Variants in EHBP1 observed in about 807,000 individuals in gnomAD.
EHBP1 encodes EH domain-binding protein 1.
Under a neutral mutation model 144.0 loss-of-function variants are expected in EHBP1, and 55 were observed. The observed-to-expected ratio is 0.38, with a 90% CI of 0.31 to 0.48. EHBP1 has a LOEUF of 0.48. EHBP1 is among the 20% of genes least tolerant of loss of function. The pLI, the probability that EHBP1 is intolerant of heterozygous loss-of-function variation, is 0.98. For missense variants in EHBP1, 1,200 were observed against 1,364.2 expected (o/e 0.88, Z 1.90); for synonymous variants, 469 against 472.7 (o/e 0.99, Z 0.10).
chr2:62,859,656 A>T (rs370572637), intron 8 of EHBP1, among the ~76,000 whole-genome samples: 1 of 152,078 alleles, frequency 6.6e-6, no homozygotes, highest in Non-Finnish European at 1.5e-5. Flanking sequence ...CCCCAACTCT[A>T]TGTCTCTCTA....
At chr2:62,941,377 T>A (rs2056748572) in intron 10 of EHBP1, among the ~76,000 whole-genome samples, 1 of 152,154 alleles carries the variant, frequency 6.6e-6, no homozygotes, top group Non-Finnish European at 1.5e-5. Flanking sequence ...GTCGAATTGA[T>A]CCAAACCGTT....
chr2:62,843,307 G>A (rs376728062), intron 7 of EHBP1, among the ~76,000 whole-genome samples: 4 of 152,224 alleles, frequency 2.6e-5, no homozygotes, highest in African/African-American at 9.6e-5. Context: ...TCCATTTGAC[G>A]TTTAATCACA....
Position 62,993,881 on chromosome 2 carries a change from G to T in EHBP1, c.2883G>T (p.Arg961Ser), listed in dbSNP as rs751705647. ...QYIENRPEMKRQRSIQEDTKK... is the reference protein window; with the variant it reads ...QYIENRPEMKSQRSIQEDTKK... ...TCTTTTTTTTTTAAGAGATGAAAAG[G>T]CAGAGATCAATACAGGAAGATACAA... Residue 961 changes from arginine (R) to serine (S), a missense_variant, in exon 18 of 23, where the codon AGG (arginine) becomes AGT (serine). Physicochemically the swap from Arg to Ser is moderately radical, Grantham distance 110. Transcript: ENST00000431489. 1 of 1,558,640 alleles carries T rather than the reference G, an allele frequency of 6.4e-7. No individual in the cohort carries two copies. Among genetic ancestry groups the T allele is most frequent in the South Asian group, 1.2e-5 (1 of 81,022 alleles).
intron 14 of EHBP1, among the ~76,000 whole-genome samples, chr2:62,956,358 A>C (rs2057695098): frequency 6.6e-6 from 1 of 152,150 alleles, no homozygotes; most frequent in Non-Finnish European, 1.5e-5. Flanking sequence ...CAGCACCATC[A>C]TGTGTTAGTA....
intron 15 of EHBP1, 94 bp from the exon 16 acceptor site, chr2:62,990,622 T>C: frequency 7.7e-7 from 1 of 1,300,658 alleles, no homozygotes; most frequent in Non-Finnish European, 1.1e-6. Flanking sequence ...TCTTTTAAAA[T>C]ATAGTAATAC....
intron 5 of EHBP1, among the ~76,000 whole-genome samples, chr2:62,793,772 T>C (rs1362390788): frequency 2.6e-5 from 4 of 152,118 alleles, no homozygotes; most frequent in Non-Finnish European, 5.9e-5. Context: ...ACACTAAGTG[T>C]CTTTATTCTC....
chr2:63,006,015 G>C (rs2060021544), intron 19 of EHBP1, among the ~76,000 whole-genome samples: 1 of 151,830 alleles, frequency 6.6e-6, no homozygotes, highest in East Asian at 1.9e-4. Flanking sequence ...ACTTGTTCTG[G>C]AATTATTTAA....
At chr2:62,714,618 T>C (rs1457163175) in intron 2 of EHBP1, among the ~76,000 whole-genome samples, 4 of 152,212 alleles carry the variant, frequency 2.6e-5, no homozygotes, top group African/African-American at 9.7e-5. Flanking sequence ...ATAAAGGGGT[T>C]AGAACAGTGT....
intron 3 of EHBP1, among the ~76,000 whole-genome samples, chr2:62,756,404 A>T (rs751762045): frequency 1.3e-5 from 2 of 152,176 alleles, no homozygotes; most frequent in African/African-American, 2.4e-5. Context: ...AATCATTGTG[A>T]TTTCTCTTGA....
chr2:62,830,077 A>C (rs2046692006), intron 6 of EHBP1, among the ~76,000 whole-genome samples: 5 of 151,222 alleles, frequency 3.3e-5, no homozygotes, highest in Admixed American at 3.3e-4. Flanking sequence ...AATTGCAAAA[A>C]TACGGAACCA....
At chr2:63,039,311 A>G (rs1027779371) in intron 21 of EHBP1, among the ~76,000 whole-genome samples, 1 of 152,170 alleles carries the variant, frequency 6.6e-6, no homozygotes, top group African/African-American at 2.4e-5. Context: ...TAAAAGATAA[A>G]TGAAACAGTT....
At chr2:62,852,758 AT>A (rs890932512) in intron 7 of EHBP1, among the ~76,000 whole-genome samples, 1 of 152,148 alleles carries the variant, frequency 6.6e-6, no homozygotes, top group African/African-American at 2.4e-5. Flanking sequence ...ACTCCATTAT[AT>A]TTTTCCTAAA....
At chr2:62,724,024 C>G (rs1300084449) in intron 2 of EHBP1, among the ~76,000 whole-genome samples, 1 of 152,160 alleles carries the variant, frequency 6.6e-6, no homozygotes, top group African/African-American at 2.4e-5. Context: ...GCCTCTCTAG[C>G]TAGGTTGGGG....
At chr2:62,841,865 A>G (rs1234005777) in intron 7 of EHBP1, among the ~76,000 whole-genome samples, 3 of 151,726 alleles carry the variant, frequency 2.0e-5, no homozygotes, top group Non-Finnish European at 4.4e-5. Flanking sequence ...ACCTTGTCTT[A>G]GTTTGCTTGG....
intron 2 of EHBP1, among the ~76,000 whole-genome samples, chr2:62,722,197 T>C (rs1185682495): frequency 6.6e-6 from 1 of 152,036 alleles, no homozygotes; most frequent in Non-Finnish European, 1.5e-5. Context: ...TGGCGTGTGA[T>C]CTTGGCTCAC....
At position 62,751,436 on chromosome 2, in the gene EHBP1, C is replaced by T. The variant is rs150379653; in HGVS notation, c.162+3984C>T. The stretch of plus-strand genomic sequence containing the variant: ...TGGATGTTCATCAGGGATATTGGTC[C>T]AAAATTCTCTTTTTTTGCTGTGTCT... On this transcript the variant is annotated intron_variant, in intron 3 of 22. Transcript: ENST00000431489. 4.1e-3 allele frequency among the ~76,000 whole-genome samples: 629 copies of T among 151,736 alleles called. 6 individuals carry two copies. The highest frequency in any genetic ancestry group is 0.014 in the African/African-American group (571 of 41,456).
At chr2:62,990,166 G>T (rs1294247710) in intron 15 of EHBP1, among the ~76,000 whole-genome samples, 1 of 152,004 alleles carries the variant, frequency 6.6e-6, no homozygotes, top group Non-Finnish European at 1.5e-5. Flanking sequence ...TGCTATCTAA[G>T]TAGAGGGTAT....
intron 10 of EHBP1, among the ~76,000 whole-genome samples, chr2:62,935,748 C>A (rs923960255): frequency 6.6e-6 from 1 of 152,084 alleles, no homozygotes; most frequent in African/African-American, 2.4e-5. Context: ...GATAGATGCT[C>A]AATCTCAAAT....
intron 5 of EHBP1, among the ~76,000 whole-genome samples, chr2:62,785,833 T>C (rs994704873): frequency 6.6e-6 from 1 of 152,204 alleles, no homozygotes; most frequent in Non-Finnish European, 1.5e-5. Flanking sequence ...CATTCCAGTC[T>C]TTTCCAGGAC....
Sources: allele counts gnomAD v4.1 joint callset (sites outside exome capture counted in the v4.1 genomes callset), GRCh38; gene constraint gnomAD v4.1.1; transcripts MANE v1.5; gene names NCBI Gene and HGNC (gene_info 2026-07-23, HGNC 2026-07-21).